Variants in ZMAT4 observed in about 807,000 individuals in gnomAD.
ZMAT4 encodes the protein zinc finger matrin-type protein 4.
Under a neutral mutation model 28.7 loss-of-function variants are expected in ZMAT4, and 17 were observed. The ratio of observed to expected loss-of-function variants is 0.59; its 90% confidence interval spans 0.41 to 0.89. The LOEUF (loss-of-function observed/expected upper bound fraction) is 0.89. ZMAT4 is among the 40% of genes least tolerant of loss of function. ZMAT4 has a pLI of 0.00. For synonymous variants in ZMAT4, 117 were observed against 109.2 expected (o/e 1.07, Z -0.44); for missense variants, 240 against 283.8 (o/e 0.85, Z 1.11).
chr8:40,883,954 C>T (rs897801790), intron 1 of ZMAT4, among the ~76,000 whole-genome samples: 1 of 152,138 alleles, frequency 6.6e-6, no homozygotes, highest in Admixed American at 6.6e-5. Context: ...CACAGAGCCC[C>T]TTTCGCAGTG....
intron 3 of ZMAT4, among the ~76,000 whole-genome samples, chr8:40,718,159 T>A (rs1201325690): frequency 6.6e-6 from 1 of 152,232 alleles, no homozygotes; most frequent in Non-Finnish European, 1.5e-5. Context: ...GATAGCCACT[T>A]ATAAATAGCT....
chr8:40,594,111 C>T (rs1805002937), intron 5 of ZMAT4, among the ~76,000 whole-genome samples: 1 of 152,188 alleles, frequency 6.6e-6, no homozygotes, highest in African/African-American at 2.4e-5. Flanking sequence ...TGGCTGCTTG[C>T]TTCTCCTTTC....
chr8:40,574,741 G>A (rs891460897), intron 6 of ZMAT4, among the ~76,000 whole-genome samples: 1 of 152,140 alleles, frequency 6.6e-6, no homozygotes, highest in Non-Finnish European at 1.5e-5. Context: ...AGCCAAGAAG[G>A]ACTTTCCCAT....
chr8:40,596,954 A>G (rs988717530), intron 5 of ZMAT4, among the ~76,000 whole-genome samples: 2 of 152,186 alleles, frequency 1.3e-5, no homozygotes, highest in Admixed American at 6.5e-5. Context: ...GCTCCTGCTA[A>G]TAAGGTGGCT....
intron 5 of ZMAT4, among the ~76,000 whole-genome samples, chr8:40,666,542 T>C (rs1808423269): frequency 6.6e-6 from 1 of 151,918 alleles, no homozygotes; most frequent in African/African-American, 2.4e-5. Context: ...ATTAAAAAAA[T>C]ACAAAAGGAG....
chr8:40,672,529 C>G (rs1014424053), intron 5 of ZMAT4, among the ~76,000 whole-genome samples: 2 of 152,104 alleles, frequency 1.3e-5, no homozygotes, highest in Non-Finnish European at 2.9e-5. Flanking sequence ...GTCAAAGCAG[C>G]CTTTTTGTCT....
At chr8:40,606,639 C>T (rs192646506) in intron 5 of ZMAT4, among the ~76,000 whole-genome samples, 1 of 152,292 alleles carries the variant, frequency 6.6e-6, no homozygotes, top group East Asian at 1.9e-4. Context: ...CTTTAGATAA[C>T]CTGATGACTA....
intron 5 of ZMAT4, among the ~76,000 whole-genome samples, chr8:40,651,996 C>T (rs1320228262): frequency 1.4e-3 from 129 of 89,516 alleles, no homozygotes; most frequent in African/African-American, 4.3e-3. Flanking sequence ...AAAACCTAGG[C>T]ATTACCATTC....
intron 5 of ZMAT4, among the ~76,000 whole-genome samples, chr8:40,638,464 C>T (rs1400584585): frequency 1.3e-5 from 2 of 152,138 alleles, no homozygotes; most frequent in Non-Finnish European, 2.9e-5. Context: ...TAAAAGCCAC[C>T]TCTGCTAGGA....
chr8:40,770,364 T>C (rs965648572), intron 2 of ZMAT4, among the ~76,000 whole-genome samples: 4 of 152,012 alleles, frequency 2.6e-5, no homozygotes, highest in Admixed American at 6.6e-5. Context: ...CCAAATTACG[T>C]TGGTTGACAA....
intron 5 of ZMAT4, among the ~76,000 whole-genome samples, chr8:40,639,771 TAC>T (rs10676366): frequency 0.014 from 2,021 of 146,410 alleles, 40 homozygotes; most frequent in African/African-American, 0.046. Context: ...GTCCTTTTGT[TAC>T]ACACACACAC....
intron 3 of ZMAT4, among the ~76,000 whole-genome samples, chr8:40,701,143 A>G (rs1251570093): frequency 6.6e-6 from 1 of 152,260 alleles, no homozygotes; most frequent in African/African-American, 2.4e-5. Context: ...TTGAGGGTTC[A>G]GTAGGGAAAT....
chr8:40,613,379 T>A (rs1359252478), intron 5 of ZMAT4, among the ~76,000 whole-genome samples: 1 of 151,856 alleles, frequency 6.6e-6, no homozygotes, highest in Non-Finnish European at 1.5e-5. Flanking sequence ...AGATGGGGTT[T>A]CACCATGTTG....
intron 3 of ZMAT4, among the ~76,000 whole-genome samples, chr8:40,724,074 T>C (rs1197009304): frequency 6.6e-6 from 1 of 152,158 alleles, no homozygotes; most frequent in East Asian, 1.9e-4. Context: ...TTTTCTTTTC[T>C]TGTCCTTTGG....
chr8:40,558,409 A>T lies in ZMAT4; in HGVS notation c.674+22756T>A, dbSNP rs528710925. Reference sequence around the variant, plus strand: ...CGTGGGCAGCCCATCAAAGAGAGAGACTGGAGGCTTGGACAAGGGACTAGC... The same window carrying T: ...CGTGGGCAGCCCATCAAAGAGAGAGTCTGGAGGCTTGGACAAGGGACTAGC... On this transcript the variant is annotated intron_variant, in intron 6 of 6. Transcript: ENST00000297737. Among the ~76,000 whole-genome samples the T allele has an allele frequency of 5.9e-5, 9 of 152,062 alleles. No homozygotes were observed. The South Asian group carries it at 1.2e-3, about 21-fold the overall frequency.
At chr8:40,786,013 C>G (rs977412857) in intron 2 of ZMAT4, among the ~76,000 whole-genome samples, 2 of 152,152 alleles carry the variant, frequency 1.3e-5, no homozygotes, top group Non-Finnish European at 2.9e-5. Context: ...TGACAGCCCA[C>G]TGCAGTTGTT....
At chr8:40,795,945 T>A (rs1459398309) in intron 2 of ZMAT4, among the ~76,000 whole-genome samples, 1 of 152,182 alleles carries the variant, frequency 6.6e-6, no homozygotes. Context: ...GCTTCTTAAT[T>A]TTCCACACTT....
At chr8:40,645,342 G>A (rs1223637099) in intron 5 of ZMAT4, among the ~76,000 whole-genome samples, 1 of 152,084 alleles carries the variant, frequency 6.6e-6, no homozygotes, top group African/African-American at 2.4e-5. Flanking sequence ...ACTTTACTAA[G>A]CAAGCAGTAT....
At chr8:40,617,703 A>G (rs899083238) in intron 5 of ZMAT4, among the ~76,000 whole-genome samples, 1 of 152,252 alleles carries the variant, frequency 6.6e-6, no homozygotes, top group African/African-American at 2.4e-5. Flanking sequence ...CAGGCTGCTT[A>G]AAAGTTGAAG....
Sources: gnomAD v4.1 joint callset for allele counts (sites outside exome capture counted in the v4.1 genomes callset) on GRCh38, gnomAD v4.1.1 for gene constraint, MANE v1.5 for transcripts, NCBI Gene and HGNC (gene_info 2026-07-23, HGNC 2026-07-21) for gene names.